The following PCDHGB2 variants were observed in gnomAD, a reference collection of about 807,000 sequenced individuals.
The protein encoded by PCDHGB2 is protocadherin gamma subfamily B, 2.
A neutral mutation model predicts 59.3 loss-of-function variants in PCDHGB2; 55 were observed. The observed-to-expected ratio is 0.93, with a 90% CI of 0.75 to 1.16. The LOEUF is 1.16. PCDHGB2 is among the 50% of genes most tolerant of loss of function. The probability of loss-of-function intolerance (pLI) is 0.00; values close to 1 mark genes in which losing one functional copy is unlikely to be tolerated. For missense variants in PCDHGB2, 1,228 were observed against 1,198.5 expected, an observed-to-expected ratio of 1.02 and a Z score of -0.36; for synonymous variants, 516 against 512.0, an observed-to-expected ratio of 1.01 and a Z score of -0.11.
At chr5:141,376,374 G>C (rs561821467) in intron 1 of PCDHGB2, 10 of 1,614,072 alleles carry the variant, frequency 6.2e-6, no homozygotes, top group African/African-American at 2.7e-5. Flanking sequence ...GCAGACTCGC[G>C]TAAGAGTCAT....
chr5:141,423,086 T>TG, intron 1 of PCDHGB2: 1 of 1,613,912 alleles, frequency 6.2e-7, no homozygotes, highest in South Asian at 1.1e-5. Flanking sequence ...CTCTTCGCGG[T>TG]GGGGGAGCAC....
At chr5:141,468,024 T>C (rs1386255481) in intron 1 of PCDHGB2, among the ~76,000 whole-genome samples, 1 of 152,046 alleles carries the variant, frequency 6.6e-6, no homozygotes, top group African/African-American at 2.4e-5. Flanking sequence ...TGAAGTAAAA[T>C]ACTTCATTTA....
chr5:141,377,469 A>C (rs6896353), intron 1 of PCDHGB2: 1 of 151,896 alleles, frequency 6.6e-6, no homozygotes, highest in Non-Finnish European at 1.5e-5. Context: ...TGTGGCGTAC[A>C]CCTGTAGTCC....
chr5:141,409,961 C>G (rs538942740), intron 1 of PCDHGB2: 26 of 1,613,442 alleles, frequency 1.6e-5, no homozygotes, highest in Admixed American at 8.3e-5. Context: ...GCCCGGCTAC[C>G]TAGTGACTAA....
intron 1 of PCDHGB2, chr5:141,376,039 C>T (rs1772194852): frequency 7.4e-6 from 12 of 1,613,226 alleles, no homozygotes; most frequent in Non-Finnish European, 1.0e-5. Context: ...ACGGCCAGCC[C>T]CCTCTCTCCG....
At chr5:141,404,524 G>C (rs368795324) in intron 1 of PCDHGB2, 3 of 1,613,938 alleles carry the variant, frequency 1.9e-6, no homozygotes, top group Non-Finnish European at 2.5e-6. Context: ...ACTATGAGCA[G>C]TTTAGAGATT....
chr5:141,393,051 C>G, intron 1 of PCDHGB2: 1 of 1,613,622 alleles, frequency 6.2e-7, no homozygotes, highest in South Asian at 1.1e-5. Flanking sequence ...TCTGAACCCG[C>G]GCAGCGGCAG....
intron 1 of PCDHGB2, among the ~76,000 whole-genome samples, chr5:141,468,306 C>T (rs1006015063): frequency 9.5e-6 from 1 of 105,260 alleles, no homozygotes; most frequent in African/African-American, 3.7e-5. Context: ...GCCTGGGCAA[C>T]AAGAGCAACG....
Position 141,487,642 on chromosome 5 carries a change from G to A in PCDHGB2, c.2422-7165G>A, listed in dbSNP as rs747328649. 1.2e-6 allele frequency: 2 copies of A among 1,614,130 alleles called. No individual in the cohort carries two copies. The highest frequency in any genetic ancestry group is 1.3e-5 in the African/African-American group (1 of 75,062). On this transcript the variant is annotated intron_variant, in intron 1 of 3. Transcript: ENST00000522605. This position sits in a 1 kb window ranked among gnomAD's most constrained non-coding sequence, Gnocchi z 5.0. ...TGAGACCTTTGCAGGCTCAACAAAT[G>A]CTTGAGGGTTATTCTGATCCAGGCA...
intron 1 of PCDHGB2, among the ~76,000 whole-genome samples, chr5:141,464,261 T>TC (rs2099079163): frequency 1.5e-5 from 2 of 137,096 alleles, no homozygotes; most frequent in African/African-American, 2.9e-5. Flanking sequence ...CGAGACTCCG[T>TC]CTAAAAAAAA....
At chr5:141,370,648 T>A in intron 1 of PCDHGB2, 1 of 1,613,920 alleles carries the variant, frequency 6.2e-7, no homozygotes, top group Non-Finnish European at 8.5e-7. Context: ...GGGAACTTAC[T>A]TGTGAGCGAC....
intron 1 of PCDHGB2, chr5:141,372,380 A>C (rs1201023988): frequency 8.7e-6 from 14 of 1,613,964 alleles, no homozygotes; most frequent in Non-Finnish European, 1.2e-5. Flanking sequence ...TGCTGCACCT[A>C]ATCTTCGCAG....
chr5:141,437,756 T>A (rs1208576922), intron 1 of PCDHGB2, among the ~76,000 whole-genome samples: 1 of 151,718 alleles, frequency 6.6e-6, no homozygotes, highest in Non-Finnish European at 1.5e-5. Flanking sequence ...TTTTTTTTTT[T>A]GAGACAGAGT....
At chr5:141,496,479 CAACCAACCA>C (rs1199646129) in intron 2 of PCDHGB2, among the ~76,000 whole-genome samples, 1 of 152,180 alleles carries the variant, frequency 6.6e-6, no homozygotes, top group Non-Finnish European at 1.5e-5. Context: ...CCCCATCCTG[CAACCAACCA>C]AACCCTTGTT....
rs1352437587 is a variant in PCDHGB2 at position 141,389,683 on chromosome 5, C to T, written c.2421+27127C>T. The stretch of plus-strand genomic sequence containing the variant: ...GTGGACGCAGACTCAGGACACAACG[C>T]CTGGCTGTCCTACCACGTGCTGCAG... On this transcript the variant is annotated intron_variant, in intron 1 of 3. Coordinates refer to ENST00000522605, the MANE Select transcript of PCDHGB2 (RefSeq NM_018923.3). 14 of 1,612,374 alleles carry T rather than the reference C, an allele frequency of 8.7e-6. No individual in the cohort carries two copies. In the Admixed American group the frequency reaches 2.3e-4, roughly 27 times the overall value.
intron 1 of PCDHGB2, chr5:141,399,431 T>A (rs757950073): frequency 3.1e-6 from 5 of 1,613,970 alleles, no homozygotes; most frequent in Admixed American, 3.3e-5. Context: ...ATAAGCGTCA[T>A]CCTACATATC....
Position 141,361,043 on chromosome 5 carries a change from C to G in PCDHGB2, c.908C>G (p.Thr303Arg). The change falls in exon 1 of 4, where the codon ACA (threonine) becomes AGA (arginine). Residue 303 changes from threonine (T) to arginine (R), a missense_variant. This residue lies in a region of PCDHGB2 where 781 missense variants were observed against 721.6 expected (regional missense o/e 1.08). Coordinates refer to ENST00000522605, the MANE Select transcript of PCDHGB2 (RefSeq NM_018923.3). ...NLNEKTGEIT[T>R]KDDLDFEIAS... is the part of the protein sequence containing the mutation. The stretch of plus-strand genomic sequence containing the variant: ...AATGAAAAAACAGGAGAAATCACGA[C>G]AAAGGATGATTTGGATTTTGAGATT... 2.5e-6 allele frequency: 4 copies of G among 1,613,524 alleles called. No homozygotes were observed. In the South Asian group the frequency reaches 3.3e-5, roughly 13 times the overall value.
rs753577656 is a variant in PCDHGB2, at chr5:141,361,905, G to A, written c.1770G>A (p.Lys590=). 4 of 1,609,114 alleles carry A rather than the reference G, an allele frequency of 2.5e-6. No homozygotes were observed. In the South Asian group the frequency reaches 4.4e-5, roughly 18 times the overall value. ...RAAEPGYLVT[K]VVAVDADSGH... ...CAGAGCCCGGCTACCTGGTGACCAA[G>A]GTGGTGGCGGTGGACGCAGACTCAG... The change falls in exon 1 of 4, where the codon AAG becomes AAA. Residue 590 remains lysine, a synonymous_variant. Coordinates refer to ENST00000522605, the MANE Select transcript of PCDHGB2 (RefSeq NM_018923.3).
intron 1 of PCDHGB2, chr5:141,399,557 T>TG: frequency 1.2e-6 from 2 of 1,613,968 alleles, no homozygotes; most frequent in Non-Finnish European, 1.7e-6. Context: ...GACCTGGACT[T>TG]GGGGTTGAAC....
Sources: allele counts gnomAD v4.1 joint callset (sites outside exome capture counted in the v4.1 genomes callset), GRCh38; gene constraint gnomAD v4.1.1; regional missense constraint gnomAD v4.1.1; non-coding constraint Gnocchi (gnomAD v3.1); transcripts MANE v1.5; gene names NCBI Gene and HGNC (gene_info 2026-07-23, HGNC 2026-07-21).